GPHN: variants seen among roughly 807,000 people sequenced by gnomAD.
The protein encoded by GPHN is gephyrin.
GPHN carries 17 observed loss-of-function variants against 95.5 expected under a neutral mutation model. The ratio of observed to expected loss-of-function variants is 0.18; its 90% CI spans 0.12 to 0.27. The LOEUF (loss-of-function observed/expected upper bound fraction) is 0.27. GPHN is among the 10% of genes least tolerant of loss of function. GPHN has a pLI of 1.00. For synonymous variants in GPHN, 320 were observed against 322.5 expected (o/e 0.99, Z 0.08); for missense variants, 660 against 978.1 (o/e 0.67, Z 4.34).
chr14:66,773,735 C>CT (rs986973245), intron 2 of GPHN, among the ~76,000 whole-genome samples: 9 of 151,842 alleles, frequency 5.9e-5, no homozygotes, highest in East Asian at 3.9e-4. Flanking sequence ...TGTAAGAGTT[C>CT]TTTTTTTTGT....
chr14:67,675,640 T>G, the GPHN span, among the ~76,000 whole-genome samples: 1 of 152,154 alleles, frequency 6.6e-6, no homozygotes, highest in African/African-American at 2.4e-5. Context: ...GCGTAGGCAT[T>G]GCGAGGGATC....
At chr14:66,565,435 A>G (rs1182897875) in intron 1 of GPHN, among the ~76,000 whole-genome samples, 3 of 152,052 alleles carry the variant, frequency 2.0e-5, no homozygotes, top group African/African-American at 7.2e-5. Flanking sequence ...AGTAGCCAGG[A>G]CTACAGACAT....
At chr14:67,253,904 A>G in the GPHN span, among the ~76,000 whole-genome samples, 3 of 149,518 alleles carry the variant, frequency 2.0e-5, no homozygotes, top group East Asian at 5.9e-4. Context: ...TCAAAATCTT[A>G]GGCTTGGATA....
chr14:67,651,770 A>C, the GPHN span: 4 of 268,204 alleles, frequency 1.5e-5, no homozygotes, highest in East Asian at 4.0e-4. Context: ...TTCTAGAAAG[A>C]AGGGTTAGCT....
chr14:67,523,537 C>G, the GPHN span, among the ~76,000 whole-genome samples: 1,207 of 152,334 alleles, frequency 7.9e-3, 15 homozygotes, highest in African/African-American at 0.028. Flanking sequence ...TATAACAAAG[C>G]ATTACCCTGT....
At chr14:66,639,440 A>G (rs1468214860) in intron 1 of GPHN, among the ~76,000 whole-genome samples, 3 of 152,130 alleles carry the variant, frequency 2.0e-5, no homozygotes, top group Non-Finnish European at 4.4e-5. Context: ...ATACATGACA[A>G]TTGATGAAGC....
At chr14:67,330,075 CCAGA>C in the GPHN span, among the ~76,000 whole-genome samples, 23 of 149,378 alleles carry the variant, frequency 1.5e-4, no homozygotes, top group African/African-American at 5.4e-4. Context: ...AGAATATATG[CCAGA>C]CAAATGCTCT....
chr14:67,474,053 A>G, the GPHN span: 1 of 1,212,832 alleles, frequency 8.2e-7, no homozygotes, highest in South Asian at 1.6e-5. Context: ...GGAGTTCCAA[A>G]CCAGCCTGGC....
chr14:67,665,105 G>A, the GPHN span, among the ~76,000 whole-genome samples: 3 of 152,236 alleles, frequency 2.0e-5, no homozygotes, highest in African/African-American at 4.8e-5. Flanking sequence ...CACCCATCTC[G>A]GCCTCCCAAA....
intron 8 of GPHN, among the ~76,000 whole-genome samples, chr14:66,947,705 C>T (rs1379061493): frequency 6.6e-6 from 1 of 152,198 alleles, no homozygotes; most frequent in Admixed American, 6.5e-5. Flanking sequence ...CACCTGTAAT[C>T]TCAGCCACTC....
chr14:67,577,307 C>T, the GPHN span: 1 of 1,563,402 alleles, frequency 6.4e-7, no homozygotes, highest in Non-Finnish European at 8.7e-7. Flanking sequence ...GGCAGATTCG[C>T]CGCTCTGGAG....
the GPHN span, among the ~76,000 whole-genome samples, chr14:67,244,102 A>G: frequency 1.3e-5 from 2 of 152,196 alleles, no homozygotes; most frequent in Admixed American, 1.3e-4. Context: ...TCTTTCTGTC[A>G]TGGATTTTTT....
intron 4 of GPHN, among the ~76,000 whole-genome samples, chr14:66,834,133 TG>T (rs2061694403): frequency 6.6e-6 from 1 of 152,186 alleles, no homozygotes. Flanking sequence ...TGCTCTTGGC[TG>T]TGCTCAAAAG....
intron 3 of GPHN, among the ~76,000 whole-genome samples, chr14:66,776,846 T>C (rs1360082480): frequency 6.6e-6 from 1 of 150,516 alleles, no homozygotes; most frequent in Non-Finnish European, 1.5e-5. Flanking sequence ...TTGCAATTTC[T>C]TTTCCCTATA....
intron 9 of GPHN, among the ~76,000 whole-genome samples, chr14:66,994,322 C>T (rs771114739): frequency 1.3e-5 from 2 of 151,794 alleles, no homozygotes; most frequent in African/African-American, 2.4e-5. Context: ...GCCGAGATCA[C>T]GCCATTGCAC....
chr14:66,870,777 T>C (rs954626472), intron 4 of GPHN, among the ~76,000 whole-genome samples: 3 of 152,148 alleles, frequency 2.0e-5, no homozygotes, highest in East Asian at 1.9e-4. Context: ...ACTGGTAACA[T>C]AGAAAAGTAT....
At chr14:67,460,571 G>A in the GPHN span, among the ~76,000 whole-genome samples, 1 of 152,150 alleles carries the variant, frequency 6.6e-6, no homozygotes, top group East Asian at 1.9e-4. Context: ...GGGCATGATG[G>A]CGCACACCTG....
At chr14:67,040,870 C>T (rs1451023915) in intron 10 of GPHN, among the ~76,000 whole-genome samples, 1 of 152,146 alleles carries the variant, frequency 6.6e-6, no homozygotes, top group Non-Finnish European at 1.5e-5. Context: ...TAACTTTGAT[C>T]ACTTGGCTAA....
chr14:67,431,391 CAAAAAAAAAA>C, the GPHN span, among the ~76,000 whole-genome samples: 8 of 77,468 alleles, frequency 1.0e-4, no homozygotes, highest in African/African-American at 1.7e-4. Context: ...GACTCTGTCT[CAAAAAAAAAA>C]AAAAAAAAAA....
Sources: gnomAD v4.1 joint callset for allele counts (sites outside exome capture counted in the v4.1 genomes callset) on GRCh38, gnomAD v4.1.1 for gene constraint, MANE v1.5 for transcripts, NCBI Gene and HGNC (gene_info 2026-07-23, HGNC 2026-07-21) for gene names.